GALNT14: variants seen among roughly 807,000 people sequenced by gnomAD.
The protein encoded by GALNT14 is polypeptide N-acetylgalactosaminyltransferase 14, also known as UDP-GalNAc:polypeptide N-acetylgalactosaminyltransferase 14.
A neutral mutation model predicts 77.5 loss-of-function variants in GALNT14; 60 were observed. The observed-to-expected ratio is 0.77, with a 90% CI of 0.63 to 0.96. GALNT14 has a LOEUF of 0.96. Ranked by LOEUF, GALNT14 falls within the 40% of genes least tolerant of loss-of-function variation. The pLI is 0.00. For missense variants in GALNT14, 710 were observed against 731.0 expected, an observed-to-expected ratio of 0.97 and a Z score of 0.33; for synonymous variants, 280 against 281.7, an observed-to-expected ratio of 0.99 and a Z score of 0.06.
chr2:31,089,595 C>T (rs2365195), intron 1 of GALNT14, among the ~76,000 whole-genome samples: 66,498 of 151,818 alleles, frequency 0.44, 14,969 homozygotes, highest in Middle Eastern at 0.48. Context: ...TTCTTCACTG[C>T]TTCAAGAATT....
chr2:31,120,155 C>CAAAAAA (rs753835346), intron 1 of GALNT14, among the ~76,000 whole-genome samples: 2 of 66,780 alleles, frequency 3.0e-5, no homozygotes, highest in Non-Finnish European at 6.2e-5. Flanking sequence ...GACTCCGTCT[C>CAAAAAA]AAAAAAAAAA....
intron 9 of GALNT14, among the ~76,000 whole-genome samples, chr2:30,938,038 C>CA (rs1383033984): frequency 1.3e-5 from 2 of 151,602 alleles, no homozygotes; most frequent in African/African-American, 4.9e-5. Context: ...CACACCCACC[C>CA]ACCCCCCACC....
intron 2 of GALNT14, among the ~76,000 whole-genome samples, chr2:30,981,570 G>A (rs147589179): frequency 8.6e-5 from 13 of 151,918 alleles, no homozygotes; most frequent in South Asian, 2.1e-4. Flanking sequence ...GGACAAGGTG[G>A]CAATAAAAAG....
intron 1 of GALNT14, chr2:31,125,203 C>T (rs1678645308): frequency 6.4e-7 from 1 of 1,550,596 alleles, no homozygotes; most frequent in Non-Finnish European, 8.7e-7. Flanking sequence ...ATACAGGCAC[C>T]TGAGGCGCCC....
intron 1 of GALNT14, among the ~76,000 whole-genome samples, chr2:31,106,806 T>G (rs557471917): frequency 2.0e-5 from 3 of 152,342 alleles, no homozygotes; most frequent in East Asian, 3.9e-4. Flanking sequence ...CTACCAATGA[T>G]CCTACTTTCT....
intron 1 of GALNT14, among the ~76,000 whole-genome samples, chr2:31,071,453 A>C (rs1451356620): frequency 1.3e-5 from 2 of 151,940 alleles, no homozygotes; most frequent in Non-Finnish European, 2.9e-5. Flanking sequence ...GGATGGAAAA[A>C]CCTCATTCAG....
intron 1 of GALNT14, among the ~76,000 whole-genome samples, chr2:31,105,562 C>T (rs1677513856): frequency 6.6e-6 from 1 of 151,990 alleles, no homozygotes; most frequent in African/African-American, 2.4e-5. Context: ...CCCATCTCTA[C>T]TAAAAATACA....
chr2:30,955,090 G>A (rs892429065), intron 6 of GALNT14, among the ~76,000 whole-genome samples: 7 of 152,182 alleles, frequency 4.6e-5, no homozygotes, highest in African/African-American at 1.2e-4. Context: ...GAGGAATGAA[G>A]CATCCAGAAT....
intron 1 of GALNT14, among the ~76,000 whole-genome samples, chr2:31,012,774 A>C (rs987977362): frequency 1.3e-5 from 2 of 152,222 alleles, no homozygotes; most frequent in African/African-American, 2.4e-5. Context: ...TATGAAAAAA[A>C]ATCCAAAAAC....
chr2:30,924,827 G>T lies in GALNT14; in HGVS notation c.1152-4C>A, dbSNP rs369082340. ...CAGGTCCAATCTGCTCTCAACACTG[G>T]GGGCAACGGGGTTGTGGACAGACAC... On this transcript the variant is annotated splice_polypyrimidine_tract_variant and splice_region_variant and intron_variant, in intron 11 of 14. Coordinates refer to ENST00000349752, the MANE Select transcript of GALNT14 (RefSeq NM_024572.4). 3.1e-5 allele frequency: 50 copies of T among 1,612,630 alleles called. No individual in the cohort carries two copies. The African/African-American group carries it at 5.7e-4, about 19-fold the overall frequency.
chr2:31,060,761 G>C (rs1674541267), intron 1 of GALNT14, among the ~76,000 whole-genome samples: 1 of 152,182 alleles, frequency 6.6e-6, no homozygotes, highest in Non-Finnish European at 1.5e-5. Flanking sequence ...AGGGAAGCCA[G>C]TGAGGGGCCC....
At chr2:31,003,297 G>A (rs1325284876) in intron 1 of GALNT14, among the ~76,000 whole-genome samples, 2 of 152,154 alleles carry the variant, frequency 1.3e-5, no homozygotes, top group Admixed American at 1.3e-4. Context: ...ATATAATAGA[G>A]GAAGAAAGGG....
intron 1 of GALNT14, among the ~76,000 whole-genome samples, chr2:31,021,613 T>A (rs1200605426): frequency 6.6e-6 from 1 of 152,174 alleles, no homozygotes; most frequent in Non-Finnish European, 1.5e-5. Context: ...GCCAGCTGCT[T>A]TTATAAATAG....
At chr2:31,058,041 T>C (rs929401934) in intron 1 of GALNT14, among the ~76,000 whole-genome samples, 2 of 152,138 alleles carry the variant, frequency 1.3e-5, no homozygotes, top group African/African-American at 4.8e-5. Context: ...TTCCCTGCCC[T>C]GCCCCTCAGC....
chr2:31,121,242 C>A (rs1045875684), intron 1 of GALNT14, among the ~76,000 whole-genome samples: 1 of 152,190 alleles, frequency 6.6e-6, no homozygotes, highest in African/African-American at 2.4e-5. Context: ...GACTTCCCCA[C>A]AGGTAATTTC....
intron 13 of GALNT14, among the ~76,000 whole-genome samples, chr2:30,919,374 G>A (rs558820559): frequency 1.3e-5 from 2 of 152,282 alleles, no homozygotes; most frequent in African/African-American, 2.4e-5. Flanking sequence ...GGATAGGACT[G>A]GGGGTGGAGC....
chr2:31,072,282 TACACACAC>T (rs1198431998), intron 1 of GALNT14, among the ~76,000 whole-genome samples: 1 of 37,760 alleles, frequency 2.6e-5, no homozygotes, highest in Non-Finnish European at 5.2e-5. Context: ...CACACACACA[TACACACAC>T]ACACACACAC....
intron 4 of GALNT14, among the ~76,000 whole-genome samples, chr2:30,957,860 G>A (rs558208297): frequency 7.2e-5 from 11 of 152,244 alleles, no homozygotes; most frequent in South Asian, 6.2e-4. Flanking sequence ...GTGAGGTGTC[G>A]GCACTACCAG....
In GALNT14 at chr2:31,114,871, G is replaced by T. The variant is rs745758279; in HGVS notation, c.129+23087C>A. 5.6e-6 allele frequency: 4 copies of T among 710,918 alleles called. No homozygotes were observed. The South Asian group carries it at 6.1e-5, about 11-fold the overall frequency. The allele number at this position is 710,918 out of a possible 1,614,324, so 44.0% of individuals were successfully genotyped here. ...GAGAAAATGTCATGAGCTCCAAACA[G>T]AGAGAACAGGTAACTAACAAAGAAA... On this transcript the variant is annotated intron_variant, in intron 1 of 14. Coordinates refer to ENST00000349752, the MANE Select transcript of GALNT14 (RefSeq NM_024572.4).
Sources: gnomAD v4.1 joint callset for allele counts (sites outside exome capture counted in the v4.1 genomes callset) on GRCh38, gnomAD v4.1.1 for gene constraint, MANE v1.5 for transcripts, NCBI Gene and HGNC (gene_info 2026-07-23, HGNC 2026-07-21) for gene names.